ERC2: variants seen among roughly 807,000 people sequenced by gnomAD.
ERC2 encodes ELKS/RAB6-interacting/CAST family member 2.
Under a neutral mutation model 114.8 loss-of-function variants are expected in ERC2, and 42 were observed. That is an observed-to-expected ratio of 0.37 (90% CI 0.29 to 0.47). The LOEUF is 0.47. Among genes scored for constraint, ERC2 ranks in the 20% least tolerant of loss-of-function variants. ERC2 has a pLI of 0.99. For synonymous variants in ERC2, 454 were observed against 425.5 expected (o/e 1.07, Z -0.82); for missense variants, 939 against 1,150.7 (o/e 0.82, Z 2.66).
At chr3:56,062,674 T>G (rs2076293866) in intron 7 of ERC2, among the ~76,000 whole-genome samples, 1 of 152,110 alleles carries the variant, frequency 6.6e-6, no homozygotes, top group Admixed American at 6.6e-5. Context: ...AACACACATA[T>G]GCATGCCTTT....
At chr3:55,630,956 A>G (rs1253526570) in intron 17 of ERC2, among the ~76,000 whole-genome samples, 1 of 89,514 alleles carries the variant, frequency 1.1e-5, no homozygotes, top group Admixed American at 1.0e-4. Flanking sequence ...ATCAGTTTGG[A>G]AAAAAAAAAA....
chr3:56,436,765 T>C (rs1392109126), intron 1 of ERC2, among the ~76,000 whole-genome samples: 1 of 152,232 alleles, frequency 6.6e-6, no homozygotes, highest in Non-Finnish European at 1.5e-5. Context: ...GATAAGCTCT[T>C]CTTCAGCTGG....
intron 2 of ERC2, among the ~76,000 whole-genome samples, chr3:56,427,133 G>A (rs1271862962): frequency 6.6e-6 from 1 of 151,294 alleles, no homozygotes; most frequent in Non-Finnish European, 1.5e-5. Flanking sequence ...CTGCACTCCA[G>A]CCTGGGTCAC....
intron 2 of ERC2, among the ~76,000 whole-genome samples, chr3:56,318,961 CA>C (rs35256298): frequency 0.29 from 23,753 of 81,582 alleles, 2,017 homozygotes; most frequent in Non-Finnish European, 0.36. Context: ...GACCCTGTCT[CA>C]AAAAAAAAAA....
intron 14 of ERC2, among the ~76,000 whole-genome samples, chr3:55,754,880 T>C (rs1247916904): frequency 6.6e-6 from 1 of 152,132 alleles, no homozygotes; most frequent in East Asian, 1.9e-4. Context: ...CCATAAGCTG[T>C]ACTAATATAG....
At chr3:55,974,348 A>T (rs985187196) in intron 12 of ERC2, among the ~76,000 whole-genome samples, 1 of 152,224 alleles carries the variant, frequency 6.6e-6, no homozygotes, top group Non-Finnish European at 1.5e-5. Flanking sequence ...TGTATCAGAC[A>T]AGATCAAGGC....
intron 14 of ERC2, among the ~76,000 whole-genome samples, chr3:55,885,143 T>C (rs1052696971): frequency 6.6e-6 from 1 of 152,164 alleles, no homozygotes; most frequent in African/African-American, 2.4e-5. Context: ...GACCTAAAGA[T>C]GCCTGTCTAA....
intron 17 of ERC2, among the ~76,000 whole-genome samples, chr3:55,655,304 T>C (rs1008741430): frequency 2.6e-5 from 4 of 152,042 alleles, no homozygotes; most frequent in Non-Finnish European, 5.9e-5. Context: ...CCTTGTCATG[T>C]AGTACAAAGA....
intron 14 of ERC2, among the ~76,000 whole-genome samples, chr3:55,768,166 T>C (rs559132274): frequency 2.6e-5 from 4 of 152,366 alleles, no homozygotes; most frequent in Admixed American, 2.0e-4. Flanking sequence ...TGCAAAACCA[T>C]GAGCCAATTA....
At chr3:56,028,470 G>C (rs1023797867) in intron 7 of ERC2, among the ~76,000 whole-genome samples, 1 of 151,870 alleles carries the variant, frequency 6.6e-6, no homozygotes, top group African/African-American at 2.4e-5. Flanking sequence ...GTCTTCTTTA[G>C]TTGTGCTCAT....
chr3:55,552,602 G>T (rs2055287960), intron 17 of ERC2, among the ~76,000 whole-genome samples: 1 of 151,126 alleles, frequency 6.6e-6, no homozygotes, highest in Non-Finnish European at 1.5e-5. Context: ...AAAACAGCCG[G>T]GTGTAACTAA....
intron 11 of ERC2, among the ~76,000 whole-genome samples, chr3:55,989,785 A>T (rs2070913793): frequency 6.6e-6 from 1 of 152,196 alleles, no homozygotes; most frequent in Non-Finnish European, 1.5e-5. Context: ...TTGCACGTCA[A>T]GTGCTTCCCA....
chr3:55,986,796 CA>C (rs1287531726), intron 11 of ERC2, among the ~76,000 whole-genome samples: 5 of 150,238 alleles, frequency 3.3e-5, no homozygotes, highest in African/African-American at 9.8e-5. Context: ...TATTGTCAAG[CA>C]AAAAAAATAA....
chr3:56,297,686 A>G (rs1485674814), intron 2 of ERC2, among the ~76,000 whole-genome samples: 5 of 152,242 alleles, frequency 3.3e-5, no homozygotes, highest in Non-Finnish European at 5.9e-5. Flanking sequence ...GAATGAACAC[A>G]GTGCTAAGCA....
At chr3:55,589,972 C>A (rs957038473) in intron 17 of ERC2, among the ~76,000 whole-genome samples, 11 of 152,152 alleles carry the variant, frequency 7.2e-5, no homozygotes, top group African/African-American at 2.7e-4. Flanking sequence ...CCTTCTCCTC[C>A]CTGCAGCCTT....
chr3:56,249,910 T>TGCAGTG (rs2052021636), intron 3 of ERC2, among the ~76,000 whole-genome samples: 1 of 133,278 alleles, frequency 7.5e-6, no homozygotes, highest in Non-Finnish European at 1.5e-5. Flanking sequence ...CAGGCTGGAG[T>TGCAGTG]GCAGTGGCAC....
chr3:56,019,154 G>C, intron 7 of ERC2, 123 bp from the exon 8 acceptor site: 2 of 758,014 alleles, frequency 2.6e-6, no homozygotes, highest in Non-Finnish European at 2.1e-6. Flanking sequence ...ATTGTCAGTA[G>C]CTTTGACTTA....
At chr3:55,873,987 A>G (rs2149288796) in intron 14 of ERC2, among the ~76,000 whole-genome samples, 1 of 152,370 alleles carries the variant, frequency 6.6e-6, no homozygotes, top group East Asian at 1.9e-4. Context: ...CTGACTTCCC[A>G]GCATGATTTG....
intron 14 of ERC2, among the ~76,000 whole-genome samples, chr3:55,745,711 T>G (rs2066263239): frequency 1.3e-5 from 2 of 152,348 alleles, no homozygotes; most frequent in South Asian, 4.1e-4. Context: ...CTTTGTCCAG[T>G]ATCTGCCTAA....
Sources: gnomAD v4.1 joint callset for allele counts (sites outside exome capture counted in the v4.1 genomes callset) on GRCh38, gnomAD v4.1.1 for gene constraint, MANE v1.5 for transcripts, NCBI Gene and HGNC (gene_info 2026-07-23, HGNC 2026-07-21) for gene names.